The following CAMK2B variants were observed in gnomAD, a reference collection of about 807,000 sequenced individuals.
The protein encoded by CAMK2B is calcium/calmodulin-dependent protein kinase type II subunit beta.
A neutral mutation model predicts 93.7 loss-of-function variants in CAMK2B; 27 were observed. The ratio of observed to expected loss-of-function variants is 0.29; its 90% CI spans 0.21 to 0.40. CAMK2B has a LOEUF of 0.40. CAMK2B is among the 10% of genes least tolerant of loss of function. CAMK2B has a pLI of 1.00. For missense variants in CAMK2B, 568 were observed against 895.8 expected, an observed-to-expected ratio of 0.63 and a Z score of 4.67; for synonymous variants, 374 against 358.8, an observed-to-expected ratio of 1.04 and a Z score of -0.48.
intron 19 of CAMK2B, 62 bp from the exon 20 acceptor site, chr7:44,226,706 C>G (rs2096484886): frequency 6.9e-7 from 1 of 1,447,286 alleles, no homozygotes; most frequent in Non-Finnish European, 9.1e-7. Context: ...AGGAGAGAAA[C>G]CATGGGCAGA....
intron 16 of CAMK2B, 141 bp downstream of exon 16, chr7:44,232,681 G>GGGCCCTACCGTACTGC: frequency 1.3e-6 from 1 of 780,614 alleles, no homozygotes; most frequent in South Asian, 1.6e-5. Context: ...AGACGGACTG[G>GGGCCCTACCGTACTGC]GGCCCTACCG....
chr7:44,296,061 A>C (rs1478716324), intron 1 of CAMK2B, among the ~76,000 whole-genome samples: 1 of 152,226 alleles, frequency 6.6e-6, no homozygotes, highest in Non-Finnish European at 1.5e-5. Flanking sequence ...CTTTCAATAA[A>C]AAAACTACAA....
At chr7:44,291,036 A>G (rs916653307) in intron 1 of CAMK2B, among the ~76,000 whole-genome samples, 1 of 152,120 alleles carries the variant, frequency 6.6e-6, no homozygotes, top group African/African-American at 2.4e-5. Context: ...TTCTTACACA[A>G]TTAGGGGGCT....
At chr7:44,220,993 G>A (rs568335272) in intron 20 of CAMK2B, 92 bp from the exon 21 acceptor site, 114 of 1,047,256 alleles carry the variant, frequency 1.1e-4, no homozygotes, top group South Asian at 3.1e-4. Context: ...GGGGGAGCGC[G>A]AGCTGCATCC....
At position 44,323,005 on chromosome 7, in the gene CAMK2B, A is replaced by C. The variant is rs201424627; in HGVS notation, c.65+2352T>G. 5.3e-4 allele frequency among the ~76,000 whole-genome samples: 80 copies of C among 152,312 alleles called. No homozygotes were observed. The East Asian group carries it at 0.014, about 26-fold the overall frequency. On this transcript the variant is annotated intron_variant, in intron 1 of 23. Coordinates refer to ENST00000395749, the MANE Select transcript of CAMK2B (RefSeq NM_001220.5). ...AACAACCAAGGGACCCCAGCGCTGC[A>C]AATGGGCTGAGTGCCCACAACTGAG...
intron 1 of CAMK2B, among the ~76,000 whole-genome samples, chr7:44,323,141 A>G (rs1230492614): frequency 6.6e-6 from 1 of 152,064 alleles, no homozygotes; most frequent in African/African-American, 2.4e-5. Flanking sequence ...CCTACCCAAG[A>G]GCCGCCACAG....
At chr7:44,261,477 G>GC (rs1339615789) in intron 3 of CAMK2B, among the ~76,000 whole-genome samples, 1 of 152,156 alleles carries the variant, frequency 6.6e-6, no homozygotes, top group South Asian at 2.1e-4. Context: ...CTGCCCTCAG[G>GC]CACCCACCTC....
chr7:44,266,306 T>C (rs2096920901), intron 2 of CAMK2B, among the ~76,000 whole-genome samples: 1 of 152,174 alleles, frequency 6.6e-6, no homozygotes, highest in South Asian at 2.1e-4. Context: ...AGAATCCAGC[T>C]TCCTAACTCT....
intron 2 of CAMK2B, among the ~76,000 whole-genome samples, chr7:44,278,229 G>T (rs980909412): frequency 6.6e-6 from 1 of 152,206 alleles, no homozygotes; most frequent in Non-Finnish European, 1.5e-5. Flanking sequence ...AAAGCTACTG[G>T]GTATTCACGA....
At chr7:44,290,753 C>T (rs1423312157) in intron 1 of CAMK2B, among the ~76,000 whole-genome samples, 1 of 152,192 alleles carries the variant, frequency 6.6e-6, no homozygotes, top group Non-Finnish European at 1.5e-5. Flanking sequence ...TTGGTGGAAA[C>T]AGTAACTTTT....
chr7:44,254,722 T>C (rs367608110), intron 4 of CAMK2B, 115 bp from the exon 5 acceptor site: 2 of 522,860 alleles, frequency 3.8e-6, no homozygotes, highest in Non-Finnish European at 6.8e-6. Flanking sequence ...ACTCCCATCA[T>C]CACTAATGTC....
At chr7:44,255,192 A>G (rs2096824176) in intron 4 of CAMK2B, among the ~76,000 whole-genome samples, 2 of 152,136 alleles carry the variant, frequency 1.3e-5, no homozygotes, top group Admixed American at 6.5e-5. Context: ...TCCCATCTCT[A>G]GGAAGAGAAC....
At chr7:44,252,550 G>A in intron 5 of CAMK2B, among the ~76,000 whole-genome samples, 1 of 139,190 alleles carries the variant, frequency 7.2e-6, no homozygotes, top group African/African-American at 2.6e-5. Flanking sequence ...TGGGGGTGGG[G>A]GAGGGTGGGG....
At chr7:44,259,427 C>T (rs1014100516) in intron 3 of CAMK2B, 11 of 163,924 alleles carry the variant, frequency 6.7e-5, no homozygotes, top group South Asian at 1.7e-4. Context: ...TCTGTGTCTC[C>T]GCTGTGTCCT....
At chr7:44,314,458 G>A (rs781069657) in intron 1 of CAMK2B, among the ~76,000 whole-genome samples, 2 of 152,200 alleles carry the variant, frequency 1.3e-5, no homozygotes, top group Non-Finnish European at 2.9e-5. Flanking sequence ...GTGCTTATTA[G>A]CATTTCATTC....
chr7:44,247,077 TACAGACA>T, intron 6 of CAMK2B, 36 bp downstream of exon 6: 1 of 1,513,702 alleles, frequency 6.6e-7, no homozygotes, highest in Non-Finnish European at 9.2e-7. Flanking sequence ...AGCATGCAGG[TACAGACA>T]ACAGACACCT....
intron 5 of CAMK2B, among the ~76,000 whole-genome samples, chr7:44,252,061 G>A (rs1248876702): frequency 1.3e-5 from 2 of 152,146 alleles, no homozygotes; most frequent in African/African-American, 4.8e-5. Context: ...TGTGTGGGGT[G>A]CTGTGTGTCC....
chr7:44,228,946 G>A (rs778195212), intron 18 of CAMK2B, 22 bp from the exon 19 acceptor site: 19 of 1,602,420 alleles, frequency 1.2e-5, no homozygotes, highest in South Asian at 4.4e-5. Flanking sequence ...CAGATGAGAC[G>A]TGAACATGAG....
At chr7:44,235,928 G>C (rs1470095684) in intron 13 of CAMK2B, among the ~76,000 whole-genome samples, 1 of 152,218 alleles carries the variant, frequency 6.6e-6, no homozygotes. Flanking sequence ...GGTGGGGACA[G>C]ACAGGCACGT....
Sources: allele counts gnomAD v4.1 joint callset (sites outside exome capture counted in the v4.1 genomes callset), GRCh38; gene constraint gnomAD v4.1.1; transcripts MANE v1.5; gene names NCBI Gene and HGNC (gene_info 2026-07-23, HGNC 2026-07-21).